The following SPOCK3 variants were observed in gnomAD, a reference collection of about 807,000 sequenced individuals.
SPOCK3 encodes SPARC (osteonectin), cwcv and kazal like domains proteoglycan 3.
A neutral mutation model predicts 56.6 loss-of-function variants in SPOCK3; 30 were observed. That is an observed-to-expected ratio of 0.53 (90% CI 0.40 to 0.72). The LOEUF is 0.72. Among genes scored for constraint, SPOCK3 ranks in the 30% least tolerant of loss-of-function variants. SPOCK3 has a pLI of 0.00. For missense variants in SPOCK3, 527 were observed against 530.0 expected (o/e 0.99, Z 0.06); for synonymous variants, 196 against 183.3 (o/e 1.07, Z -0.56).
At chr4:166,747,976 A>G (rs912298991) in intron 8 of SPOCK3, among the ~76,000 whole-genome samples, 1 of 152,196 alleles carries the variant, frequency 6.6e-6, no homozygotes, top group African/African-American at 2.4e-5. Flanking sequence ...CTGCTCAATG[A>G]AATAAAAAAA....
At chr4:167,167,398 C>T (rs1439452150) in intron 2 of SPOCK3, among the ~76,000 whole-genome samples, 1 of 152,164 alleles carries the variant, frequency 6.6e-6, no homozygotes, top group Non-Finnish European at 1.5e-5. Flanking sequence ...AATTATAAGA[C>T]ATGATTTAAA....
chr4:166,773,523 T>C (rs949275864), intron 7 of SPOCK3, among the ~76,000 whole-genome samples: 1 of 152,180 alleles, frequency 6.6e-6, no homozygotes, highest in African/African-American at 2.4e-5. Flanking sequence ...CCAGAGATTG[T>C]ATAAGAAGAT....
intron 4 of SPOCK3, among the ~76,000 whole-genome samples, chr4:166,990,311 C>T (rs1188872794): frequency 6.6e-6 from 1 of 151,802 alleles, no homozygotes; most frequent in Non-Finnish European, 1.5e-5. Context: ...ATAGGCCCAA[C>T]AGTAAAAATG....
intron 4 of SPOCK3, among the ~76,000 whole-genome samples, chr4:166,932,723 T>C (rs2149999861): frequency 6.6e-6 from 1 of 152,304 alleles, no homozygotes; most frequent in Middle Eastern, 3.4e-3. Context: ...CTCTTTGATC[T>C]ATGGATGGAT....
At chr4:167,176,806 A>G (rs1023496590) in intron 2 of SPOCK3, among the ~76,000 whole-genome samples, 2 of 152,138 alleles carry the variant, frequency 1.3e-5, no homozygotes, top group African/African-American at 4.8e-5. Flanking sequence ...GAACTGCTCC[A>G]TATGGAGACA....
intron 3 of SPOCK3, among the ~76,000 whole-genome samples, chr4:167,047,816 G>C (rs1753860472): frequency 6.6e-6 from 1 of 152,204 alleles, no homozygotes. Context: ...GGGAGACCCA[G>C]GCCAGCAGAT....
intron 3 of SPOCK3, among the ~76,000 whole-genome samples, chr4:167,041,269 A>C (rs988152939): frequency 3.3e-5 from 5 of 152,194 alleles, no homozygotes; most frequent in Admixed American, 2.0e-4. Flanking sequence ...GTGAGACTTG[A>C]GTGACATATT....
At chr4:167,087,126 T>G (rs1758271322) in intron 2 of SPOCK3, among the ~76,000 whole-genome samples, 1 of 152,162 alleles carries the variant, frequency 6.6e-6, no homozygotes, top group South Asian at 2.1e-4. Context: ...ATGCTTACTC[T>G]GTACCAGGCA....
chr4:167,202,795 A>G (rs1292254764), intron 2 of SPOCK3, among the ~76,000 whole-genome samples: 1 of 150,998 alleles, frequency 6.6e-6, no homozygotes, highest in African/African-American at 2.4e-5. Flanking sequence ...TTTTTCCCCT[A>G]TTCATGCATT....
At chr4:166,934,006 T>C (rs1360566203) in intron 4 of SPOCK3, among the ~76,000 whole-genome samples, 1 of 152,072 alleles carries the variant, frequency 6.6e-6, no homozygotes, top group Non-Finnish European at 1.5e-5. Context: ...CAAGCATCCA[T>C]AGAATGAAAA....
chr4:166,901,236 C>T (rs1452499854), intron 5 of SPOCK3, among the ~76,000 whole-genome samples: 3 of 152,032 alleles, frequency 2.0e-5, no homozygotes, highest in Non-Finnish European at 4.4e-5. Context: ...ACAAATTAGG[C>T]ACACTTCCCT....
At chr4:167,034,411 T>C (rs1203358293) in intron 3 of SPOCK3, among the ~76,000 whole-genome samples, 1 of 152,020 alleles carries the variant, frequency 6.6e-6, no homozygotes, top group Non-Finnish European at 1.5e-5. Flanking sequence ...GTCCCGGTAT[T>C]TTTCAGTATG....
chr4:166,929,921 T>C (rs1017005319), intron 4 of SPOCK3, among the ~76,000 whole-genome samples: 2 of 152,156 alleles, frequency 1.3e-5, no homozygotes, highest in Admixed American at 1.3e-4. Flanking sequence ...ATAACTATCA[T>C]AGCAAAATGT....
intron 4 of SPOCK3, among the ~76,000 whole-genome samples, chr4:166,958,795 C>A (rs570706753): frequency 1.4e-4 from 22 of 152,144 alleles, no homozygotes; most frequent in Non-Finnish European, 2.8e-4. Context: ...TCTGTGATGG[C>A]AAGCATTTTG....
chr4:166,822,557 G>A (rs965775241), intron 6 of SPOCK3, among the ~76,000 whole-genome samples: 7 of 151,942 alleles, frequency 4.6e-5, no homozygotes, highest in Admixed American at 2.0e-4. Flanking sequence ...TCTCTCATGC[G>A]GAGAACTGGC....
chr4:166,962,955 GTTATT>G (rs900031115), intron 4 of SPOCK3, among the ~76,000 whole-genome samples: 2 of 151,960 alleles, frequency 1.3e-5, no homozygotes, highest in African/African-American at 4.8e-5. Flanking sequence ...TTTGTTGTAT[GTTATT>G]TTATTTAGAT....
At chr4:166,932,169 T>G (rs2149998959) in intron 4 of SPOCK3, among the ~76,000 whole-genome samples, 1 of 152,340 alleles carries the variant, frequency 6.6e-6, no homozygotes, top group East Asian at 1.9e-4. Flanking sequence ...ATTATTTAAC[T>G]TAACAATGTT....
intron 2 of SPOCK3, among the ~76,000 whole-genome samples, chr4:167,165,543 A>T (rs188024682): frequency 1.5e-4 from 23 of 152,286 alleles, no homozygotes; most frequent in Admixed American, 5.2e-4. Context: ...GCGATTATTA[A>T]AAGTCAGGAT....
At chr4:167,138,572 G>A (rs1763294419) in intron 2 of SPOCK3, among the ~76,000 whole-genome samples, 1 of 151,776 alleles carries the variant, frequency 6.6e-6, no homozygotes, top group Non-Finnish European at 1.5e-5. Flanking sequence ...CCTACTTTAA[G>A]TGTTTAAACA....
Sources: gnomAD v4.1 joint callset for allele counts (sites outside exome capture counted in the v4.1 genomes callset) on GRCh38, gnomAD v4.1.1 for gene constraint, MANE v1.5 for transcripts, NCBI Gene and HGNC (gene_info 2026-07-23, HGNC 2026-07-21) for gene names.